Variants in METTL15 observed in about 807,000 individuals in gnomAD.
The protein encoded by METTL15 is methyltransferase 15, mitochondrial 12S rRNA N4-cytidine, also known as 12S rRNA N(4)-cytidine methyltransferase METTL15.
Under a neutral mutation model 38.3 loss-of-function variants are expected in METTL15, and 34 were observed. That is an observed-to-expected ratio of 0.89 (90% CI 0.68 to 1.18). The LOEUF (loss-of-function observed/expected upper bound fraction) is 1.18. Ranked by LOEUF, METTL15 falls within the 50% of genes most tolerant of loss-of-function variation. The pLI is 0.00. For missense variants in METTL15, 438 were observed against 498.4 expected, an observed-to-expected ratio of 0.88 and a Z score of 1.15; for synonymous variants, 162 against 170.9, an observed-to-expected ratio of 0.95 and a Z score of 0.41.
intron 3 of METTL15, among the ~76,000 whole-genome samples, chr11:28,149,452 C>T (rs773513205): frequency 8.6e-5 from 13 of 151,862 alleles, no homozygotes; most frequent in Non-Finnish European, 1.9e-4. Context: ...ACACCAGGGC[C>T]ATTCTTGCAG....
chr11:28,480,130 C>T (rs892815983), intron 6 of METTL15, among the ~76,000 whole-genome samples: 8 of 152,186 alleles, frequency 5.3e-5, no homozygotes, highest in Non-Finnish European at 4.4e-5. Context: ...AGATTATTTC[C>T]TATACAGTTA....
chr11:28,226,682 A>G (rs1410115696), intron 4 of METTL15, among the ~76,000 whole-genome samples: 1 of 151,956 alleles, frequency 6.6e-6, no homozygotes, highest in African/African-American at 2.4e-5. Flanking sequence ...ATTATTCAAG[A>G]AGCAATTTAG....
intron 4 of METTL15, among the ~76,000 whole-genome samples, chr11:28,220,145 A>G (rs909538367): frequency 6.6e-6 from 1 of 152,134 alleles, no homozygotes; most frequent in Non-Finnish European, 1.5e-5. Context: ...TGATCTGTCT[A>G]ATGTTGACAG....
intron 5 of METTL15, among the ~76,000 whole-genome samples, chr11:28,295,563 G>T (rs1254681686): frequency 6.6e-6 from 1 of 151,360 alleles, no homozygotes; most frequent in East Asian, 1.9e-4. Flanking sequence ...ATTTGCCTTT[G>T]TACTCCAGCC....
At chr11:28,416,703 A>G (rs1233178822) in intron 5 of METTL15, among the ~76,000 whole-genome samples, 1 of 152,230 alleles carries the variant, frequency 6.6e-6, no homozygotes, top group East Asian at 1.9e-4. Context: ...CTCTGATACC[A>G]GAGACTGGAC....
chr11:28,325,354 C>T (rs1235606026), intron 6 of METTL15, among the ~76,000 whole-genome samples: 2 of 152,160 alleles, frequency 1.3e-5, no homozygotes, highest in East Asian at 3.9e-4. Context: ...CTAGGCTGAG[C>T]AAGACATAGG....
chr11:28,239,653 CCCAGCTA>C (rs1387197134), intron 4 of METTL15, among the ~76,000 whole-genome samples: 1 of 152,170 alleles, frequency 6.6e-6, no homozygotes, highest in Non-Finnish European at 1.5e-5. Flanking sequence ...CCACCAGCTT[CCCAGCTA>C]CCTTGCTGTT....
At chr11:28,456,924 C>T (rs1851174167) in intron 6 of METTL15, among the ~76,000 whole-genome samples, 1 of 152,184 alleles carries the variant, frequency 6.6e-6, no homozygotes, top group Non-Finnish European at 1.5e-5. Context: ...TGTGATTCTT[C>T]CCATGTGAAG....
chr11:28,223,240 A>G (rs543660133), intron 4 of METTL15, among the ~76,000 whole-genome samples: 31 of 152,278 alleles, frequency 2.0e-4, no homozygotes, highest in African/African-American at 7.0e-4. Flanking sequence ...GTTCAGGGAA[A>G]GATAAAACAA....
intron 5 of METTL15, among the ~76,000 whole-genome samples, chr11:28,371,954 T>A (rs1405383767): frequency 1.3e-5 from 2 of 152,086 alleles, no homozygotes; most frequent in African/African-American, 4.8e-5. Flanking sequence ...TTGAACTTCC[T>A]CTTTTTCTAT....
intron 6 of METTL15, among the ~76,000 whole-genome samples, chr11:28,316,671 C>A (rs1857492048): frequency 6.6e-6 from 1 of 152,126 alleles, no homozygotes; most frequent in Admixed American, 6.6e-5. Context: ...TTTAATAACT[C>A]ACATAATTCA....
At chr11:28,148,911 G>T (rs1354368467) in intron 3 of METTL15, among the ~76,000 whole-genome samples, 2 of 151,740 alleles carry the variant, frequency 1.3e-5, no homozygotes, top group Non-Finnish European at 2.9e-5. Flanking sequence ...ATCTCAGTGA[G>T]GAAAAACCCA....
At chr11:28,327,872 G>A (rs544387405) in intron 6 of METTL15, 120 of 410,170 alleles carry the variant, frequency 2.9e-4, no homozygotes, top group African/African-American at 2.3e-3. Flanking sequence ...TGAGCTTTCT[G>A]CCTTTCTATT....
intron 5 of METTL15, among the ~76,000 whole-genome samples, chr11:28,379,501 T>C (rs1018540655): frequency 2.3e-4 from 35 of 152,168 alleles, no homozygotes; most frequent in African/African-American, 8.4e-4. Flanking sequence ...TTTATTTTCA[T>C]GTGTTTGTGT....
At chr11:28,483,037 G>GA (rs112033245) in intron 6 of METTL15, among the ~76,000 whole-genome samples, 6,420 of 145,240 alleles carry the variant, frequency 0.044, 428 homozygotes, top group African/African-American at 0.15. Context: ...CAGTGAACAT[G>GA]AAAAAAAAAA....
chr11:28,454,292 CT>C (rs1851149493), intron 6 of METTL15, among the ~76,000 whole-genome samples: 1 of 152,190 alleles, frequency 6.6e-6, no homozygotes, highest in African/African-American at 2.4e-5. Context: ...CCCTCGGGAT[CT>C]TGGAATTAAG....
At position 28,211,053 on chromosome 11, in the gene METTL15, GT is replaced by G. The variant is rs1212904956; in HGVS notation, c.271-6del. 1 of 1,597,002 alleles carries G rather than the reference GT, an allele frequency of 6.3e-7. No individual in the cohort carries two copies. Among genetic ancestry groups the G allele is most frequent in the Non-Finnish European group, 8.5e-7 (1 of 1,175,030 alleles). On this transcript the variant is annotated splice_region_variant and splice_polypyrimidine_tract_variant and intron_variant, in intron 3 of 6. Transcript: ENST00000407364. ...CTAAGTTGTAATTTTCTTTTTCTGTGTTTGCTAGATTTTTCTAGATATGACA... is the reference window on the plus strand; with the variant it reads ...CTAAGTTGTAATTTTCTTTTTCTGTGTTGCTAGATTTTTCTAGATATGACA...
intron 6 of METTL15, chr11:28,516,774 G>A (rs2133506691): frequency 6.6e-6 from 1 of 152,354 alleles, no homozygotes; most frequent in South Asian, 2.1e-4. Flanking sequence ...CTTGAGTTAT[G>A]CCTTAATAGC....
At chr11:28,396,618 A>C (rs1264824597) in intron 5 of METTL15, among the ~76,000 whole-genome samples, 3 of 152,200 alleles carry the variant, frequency 2.0e-5, no homozygotes, top group Admixed American at 2.0e-4. Context: ...AGAATATTCC[A>C]TGCTCATGGA....
Sources: allele counts gnomAD v4.1 joint callset (sites outside exome capture counted in the v4.1 genomes callset), GRCh38; gene constraint gnomAD v4.1.1; transcripts MANE v1.5; gene names NCBI Gene and HGNC (gene_info 2026-07-23, HGNC 2026-07-21).